MASTL: variants seen among roughly 807,000 people sequenced by gnomAD.
MASTL encodes the protein microtubule associated serine/threonine kinase like, also known as serine/threonine-protein kinase greatwall.
MASTL carries 54 observed loss-of-function variants against 82.5 expected under a neutral mutation model. The ratio of observed to expected loss-of-function variants is 0.65; its 90% CI spans 0.53 to 0.82. MASTL has a LOEUF of 0.82. MASTL is among the 40% of genes least tolerant of loss of function. The probability of loss-of-function intolerance (pLI) is 0.00; values close to 1 mark genes in which losing one functional copy is unlikely to be tolerated. For synonymous variants in MASTL, 323 were observed against 368.9 expected (o/e 0.88, Z 1.43); for missense variants, 950 against 1,047.8 (o/e 0.91, Z 1.29).
chr10:27,157,803 T>C (rs2057443052), intron 1 of MASTL, among the ~76,000 whole-genome samples: 1 of 152,122 alleles, frequency 6.6e-6, no homozygotes, highest in South Asian at 2.1e-4. Flanking sequence ...GATTTTTTTT[T>C]TCTAGGCAAA....
chr10:27,170,128 A>G lies in MASTL; in HGVS notation c.1169A>G (p.Lys390Arg). 6.2e-7 allele frequency: 1 copy of G among 1,614,196 alleles called. No homozygotes were observed. The highest frequency in any genetic ancestry group is 8.5e-7 in the Non-Finnish European group (1 of 1,180,026). The change falls in exon 8 of 12, where the codon AAA becomes AGA. Residue 390 changes from lysine to arginine, a missense_variant. Coordinates refer to ENST00000375940, the MANE Select transcript of MASTL (RefSeq NM_001172303.3). ...TTGRSCVNLA[K>R]KCFSGEVSWE... ...GGACGCTCTTGTGTAAACCTTGCTA[A>G]AAAATGCTTCTCTGGGGAAGTTTCT...
intron 11 of MASTL, among the ~76,000 whole-genome samples, chr10:27,185,786 CAAA>C (rs59621747): frequency 7.1e-6 from 1 of 141,238 alleles, no homozygotes. Flanking sequence ...GACTCCATTT[CAAA>C]AAAAAAAAAA....
chr10:27,160,526 G>A (rs1048629268), intron 3 of MASTL, among the ~76,000 whole-genome samples: 3 of 151,744 alleles, frequency 2.0e-5, no homozygotes, highest in South Asian at 2.1e-4. Flanking sequence ...TGAGGCGGGC[G>A]GATCACCTGA....
chr10:27,178,435 A>C (rs1474527287), intron 9 of MASTL, among the ~76,000 whole-genome samples: 1 of 151,564 alleles, frequency 6.6e-6, no homozygotes, highest in African/African-American at 2.4e-5. Context: ...AAGGGCTCTA[A>C]TTTTCCAAAT....
intron 4 of MASTL, among the ~76,000 whole-genome samples, chr10:27,163,192 C>T (rs955129456): frequency 1.3e-5 from 2 of 152,138 alleles, no homozygotes; most frequent in Non-Finnish European, 2.9e-5. Flanking sequence ...GCTAGGATTA[C>T]AGGCATGAGC....
rs750221746 is a variant in MASTL at position 27,155,532 on chromosome 10, A to G, written c.106A>G (p.Ser36Gly). The change falls in exon 1 of 12, where the codon AGC (serine) becomes GGC (glycine). Residue 36 changes from serine to glycine, a missense_variant. Physicochemically the swap from Ser to Gly is moderately conservative, Grantham distance 56 (BLOSUM62 0). Coordinates refer to ENST00000375940, the MANE Select transcript of MASTL (RefSeq NM_001172303.3). Reference protein sequence around the residue: ...VPKPPSIEEFSIVKPISRGAF... With the variant: ...VPKPPSIEEFGIVKPISRGAF... Reference sequence around the variant, plus strand: ...AAAACCGCCCTCCATTGAGGAATTCAGCATAGTGAAGCCCATTAGCCGGGG... The same window carrying G: ...AAAACCGCCCTCCATTGAGGAATTCGGCATAGTGAAGCCCATTAGCCGGGG... 4 of 1,614,078 alleles carry G rather than the reference A, an allele frequency of 2.5e-6. No individual in the cohort carries two copies. The African/African-American group carries it at 5.3e-5, about 22-fold the overall frequency.
chr10:27,179,124 G>A (rs1196148406), intron 9 of MASTL, among the ~76,000 whole-genome samples: 4 of 152,118 alleles, frequency 2.6e-5, no homozygotes, highest in African/African-American at 9.7e-5. Flanking sequence ...ACTAGACTAG[G>A]ATGCCTATTC....
intron 9 of MASTL, among the ~76,000 whole-genome samples, chr10:27,179,593 T>C (rs1241928754): frequency 1.3e-5 from 2 of 152,162 alleles, no homozygotes; most frequent in East Asian, 3.8e-4. Flanking sequence ...ACTTTGTATA[T>C]AAATTTTGCA....
intron 2 of MASTL, 111 bp downstream of exon 2, chr10:27,158,797 C>T (rs944362672): frequency 1.7e-6 from 2 of 1,192,060 alleles, no homozygotes; most frequent in Non-Finnish European, 2.5e-6. Context: ...ATTCTGGCTG[C>T]ACTCACTGCC....
Position 27,170,062 on chromosome 10 carries a change from C to G in MASTL, c.1103C>G (p.Ala368Gly). ...KGFNKKDLEL[A>G]LSPIHNSSAL... is the part of the protein sequence containing the mutation. The stretch of plus-strand genomic sequence containing the variant: ...TTCAATAAAAAGGATCTGGAGTTAG[C>G]TCTTTCTCCCATTCATAACAGCAGT... The change falls in exon 8 of 12, where the codon GCT (alanine) becomes GGT (glycine). Residue 368 changes from alanine to glycine, a missense_variant. Coordinates refer to ENST00000375940, the MANE Select transcript of MASTL (RefSeq NM_001172303.3). 1 of 1,614,182 alleles carries G rather than the reference C, an allele frequency of 6.2e-7. No homozygotes were observed. The highest frequency in any genetic ancestry group is 8.5e-7 in the Non-Finnish European group (1 of 1,180,024).
chr10:27,163,379 G>A (rs939965298), intron 4 of MASTL, among the ~76,000 whole-genome samples: 5 of 151,834 alleles, frequency 3.3e-5, no homozygotes, highest in Admixed American at 6.6e-5. Flanking sequence ...ATCTTATTTC[G>A]AAATCTGATT....
Position 27,170,347 on chromosome 10 carries a change from A to G in MASTL, c.1388A>G (p.Lys463Arg), listed in dbSNP as rs926649334. 1 of 1,613,612 alleles carries G rather than the reference A, an allele frequency of 6.2e-7. No homozygotes were observed. Among genetic ancestry groups the G allele is most frequent in the African/African-American group, 1.3e-5 (1 of 75,002 alleles). The stretch of plus-strand genomic sequence containing the variant: ...TGTAAAAAAATTATACAGAATAAAA[A>G]AACTTGTGTAGAGTATAAGCATAAC... ...SPCKKIIQNK[K>R]TCVEYKHNEM... Residue 463 changes from lysine (K) to arginine (R), a missense_variant, in exon 8 of 12, where the codon AAA becomes AGA. Coordinates refer to ENST00000375940, the MANE Select transcript of MASTL (RefSeq NM_001172303.3).
chr10:27,154,680 C>CT, upstream of MASTL: 1 of 205,320 alleles, frequency 4.9e-6, no homozygotes, highest in Non-Finnish European at 9.7e-6. Context: ...AGCGATTCTC[C>CT]TGCCTCAGCC....
Position 27,155,440 on chromosome 10 carries a change from CG to C in MASTL, c.17del (p.Gly6GlufsTer16). 6.2e-7 allele frequency: 1 copy of C among 1,610,884 alleles called. No homozygotes were observed. Among genetic ancestry groups the C allele is most frequent in the Non-Finnish European group, 8.5e-7 (1 of 1,179,004 alleles). MDPT[A>X]GSKKEPGGGA... ...TGCTGTCCAGCGATGGATCCCACCG[CG>C]GGAAGCAAGAAGGAGCCTGGAGGAG... On this transcript the variant is annotated frameshift_variant, in exon 1 of 12. Transcript: ENST00000375940. LOFTEE classifies it high-confidence loss of function.
At chr10:27,185,786 C>CAA (rs59621747) in intron 11 of MASTL, among the ~76,000 whole-genome samples, 8,494 of 141,172 alleles carry the variant, frequency 0.06, 825 homozygotes, top group African/African-American at 0.21. Context: ...GACTCCATTT[C>CAA]AAAAAAAAAA....
rs974754520 is a variant in MASTL, at chr10:27,167,342, C to A, written c.984+68C>A. 1.1e-5 allele frequency: 15 copies of A among 1,317,228 alleles called. No homozygotes were observed. In the African/African-American group the frequency reaches 2.0e-4, roughly 18 times the overall value. The allele number at this position is 1,317,228 out of a possible 1,614,324, so 81.6% of individuals were successfully genotyped here. A position where few individuals can be genotyped will look rare whatever the true frequency, so the allele number is the denominator to read the frequency against. On this transcript the variant is annotated intron_variant, in intron 7 of 11. Coordinates refer to ENST00000375940, the MANE Select transcript of MASTL (RefSeq NM_001172303.3). The stretch of plus-strand genomic sequence containing the variant: ...CAAATGAATGTGAGAAATATTATAC[C>A]TTTTCATATAAATTCCATAAAGAAA...
chr10:27,180,375 TTTTTC>T (rs72381096), intron 9 of MASTL, among the ~76,000 whole-genome samples: 148,628 of 149,736 alleles, frequency 0.99, 73,773 homozygotes, highest in Middle Eastern at 1. Flanking sequence ...CTAACTCGCA[TTTTTC>T]TTTTCTTTTC....
chr10:27,159,166 G>T lies in MASTL; in HGVS notation c.325-453G>T, dbSNP rs1019068950. The stretch of plus-strand genomic sequence containing the variant: ...GTTGCCCAGGCTAGACTGCAGTGGT[G>T]CAATCTTGGCCACTCTGCACCTCCT... On this transcript the variant is annotated intron_variant, in intron 2 of 11. Transcript: ENST00000375940. The surrounding 1 kb of genome is among the most constrained non-coding windows in gnomAD (Gnocchi z 4.0). 2.0e-5 allele frequency among the ~76,000 whole-genome samples: 3 copies of T among 152,190 alleles called. No homozygotes were observed. The highest frequency in any genetic ancestry group is 7.2e-5 in the African/African-American group (3 of 41,450).
At chr10:27,168,949 A>G (rs2057827750) in intron 7 of MASTL, among the ~76,000 whole-genome samples, 1 of 152,174 alleles carries the variant, frequency 6.6e-6, no homozygotes, top group Non-Finnish European at 1.5e-5. Context: ...CTACTTGACT[A>G]ATCTTGTAAA....
Sources: gnomAD v4.1 joint callset for allele counts (sites outside exome capture counted in the v4.1 genomes callset) on GRCh38, gnomAD v4.1.1 for gene constraint, Gnocchi (gnomAD v3.1) non-coding constraint, MANE v1.5 for transcripts, NCBI Gene and HGNC (gene_info 2026-07-23, HGNC 2026-07-21) for gene names.